SIRPG: variants seen among roughly 807,000 people sequenced by gnomAD.
The protein encoded by SIRPG is signal-regulatory protein gamma.
Under a neutral mutation model 35.7 loss-of-function variants are expected in SIRPG, and 38 were observed. That is an observed-to-expected ratio of 1.06 (90% CI 0.82 to 1.40). The LOEUF (loss-of-function observed/expected upper bound fraction) is 1.40. Ranked by LOEUF, SIRPG falls within the 40% of genes most tolerant of loss-of-function variation. The pLI, the probability that SIRPG is intolerant of heterozygous loss-of-function variation, is 0.00. For missense variants in SIRPG, 519 were observed against 483.0 expected (o/e 1.07, Z -0.70); for synonymous variants, 215 against 190.4 (o/e 1.13, Z -1.06).
the SIRPG span, among the ~76,000 whole-genome samples, chr20:1,672,404 G>A: frequency 7.7e-4 from 118 of 152,296 alleles, 2 homozygotes; most frequent in Admixed American, 2.1e-3. Flanking sequence ...ACGAAGAGCC[G>A]AGAGTTTGTA....
At chr20:1,659,787 A>G (rs1284922403), upstream of SIRPG, among the ~76,000 whole-genome samples, 3 of 152,234 alleles carry the variant, frequency 2.0e-5, no homozygotes, top group Non-Finnish European at 2.9e-5. Flanking sequence ...AAGAAAGCAG[A>G]GAAGAAGCTA....
intron 1 of SIRPG, among the ~76,000 whole-genome samples, chr20:1,656,948 G>T (rs902590367): frequency 1.2e-4 from 19 of 152,144 alleles, no homozygotes; most frequent in Non-Finnish European, 4.4e-5. Flanking sequence ...ACTCCCGCAA[G>T]CTTAGTGATC....
upstream of SIRPG, among the ~76,000 whole-genome samples, chr20:1,662,374 A>C (rs567388142): frequency 9.8e-5 from 15 of 152,328 alleles, no homozygotes; most frequent in East Asian, 2.9e-3. Context: ...TTAGCTCGTC[A>C]GAGTGAATAT....
the SIRPG span, among the ~76,000 whole-genome samples, chr20:1,669,004 C>CA: frequency 6.6e-6 from 1 of 152,174 alleles, no homozygotes; most frequent in Non-Finnish European, 1.5e-5. Flanking sequence ...AGGAGGAATC[C>CA]AAGCCTTTGA....
At chr20:1,636,702 C>T (rs2091806144) in intron 2 of SIRPG, among the ~76,000 whole-genome samples, 197 bp from the exon 3 acceptor site, 1 of 152,180 alleles carries the variant, frequency 6.6e-6, no homozygotes, top group Non-Finnish European at 1.5e-5. Flanking sequence ...CCAGGTCAGA[C>T]AGTGTAGGGA....
At chr20:1,646,875 G>GAC (rs2091901740) in intron 2 of SIRPG, 1 of 152,178 alleles carries the variant, frequency 6.6e-6, no homozygotes, top group African/African-American at 2.4e-5. Context: ...TTGAACTCCT[G>GAC]ACCTCAGGTG....
At chr20:1,632,437 C>A (rs1392688514) in intron 4 of SIRPG, among the ~76,000 whole-genome samples, 1 of 152,122 alleles carries the variant, frequency 6.6e-6, no homozygotes, top group African/African-American at 2.4e-5. Context: ...ACCTGCCAGC[C>A]TAGACAACTT....
chr20:1,656,439 C>T (rs1053804549), intron 1 of SIRPG, among the ~76,000 whole-genome samples: 1 of 152,144 alleles, frequency 6.6e-6, no homozygotes. Flanking sequence ...AGAGCAATTG[C>T]TGAACTATTA....
At chr20:1,636,594 A>G (rs1267405671) in intron 2 of SIRPG, 89 bp from the exon 3 acceptor site, 2 of 1,325,234 alleles carry the variant, frequency 1.5e-6, no homozygotes, top group Non-Finnish European at 2.1e-6. Flanking sequence ...ACCTTCAGAT[A>G]CATTAATTTT....
the SIRPG span, among the ~76,000 whole-genome samples, chr20:1,665,112 TG>T: frequency 3.9e-5 from 6 of 152,192 alleles, no homozygotes; most frequent in South Asian, 2.1e-4. Flanking sequence ...TTCCTGGGGC[TG>T]GGAGCCTCTT....
At chr20:1,635,969 G>A (rs1403736659) in intron 3 of SIRPG, among the ~76,000 whole-genome samples, 3 of 152,210 alleles carry the variant, frequency 2.0e-5, no homozygotes, top group African/African-American at 7.2e-5. Flanking sequence ...TGAGATAAAT[G>A]AAACTCTCTA....
upstream of SIRPG, among the ~76,000 whole-genome samples, chr20:1,659,202 G>T (rs1263852390): frequency 6.6e-6 from 1 of 152,212 alleles, no homozygotes; most frequent in Admixed American, 6.5e-5. Context: ...CTTGTTAAAA[G>T]AAATGATTTC....
intron 3 of SIRPG, among the ~76,000 whole-genome samples, 194 bp from the exon 4 acceptor site, chr20:1,635,793 G>T (rs1271747628): frequency 2.0e-5 from 3 of 152,204 alleles, no homozygotes; most frequent in Non-Finnish European, 4.4e-5. Context: ...TGCACAGTAG[G>T]TGCTCAAGGA....
chr20:1,632,734 C>T (rs1600191634), intron 4 of SIRPG, among the ~76,000 whole-genome samples: 2 of 152,014 alleles, frequency 1.3e-5, no homozygotes, highest in South Asian at 4.1e-4. Context: ...CAGCCAGGCA[C>T]CTGGGACCCA....
chr20:1,655,291 A>T (rs1185832374), intron 1 of SIRPG, among the ~76,000 whole-genome samples: 1 of 152,240 alleles, frequency 6.6e-6, no homozygotes, highest in Non-Finnish European at 1.5e-5. Flanking sequence ...GTCTATCAGC[A>T]GATAAATGGA....
intron 4 of SIRPG, chr20:1,633,590 C>T (rs2091768061): frequency 6.6e-6 from 1 of 152,190 alleles, no homozygotes; most frequent in Non-Finnish European, 1.5e-5. Flanking sequence ...GATCACACGC[C>T]TTCCATACAT....
chr20:1,671,103 G>C, the SIRPG span: 135 of 427,968 alleles, frequency 3.2e-4, 1 homozygote, highest in Non-Finnish European at 5.1e-4. Flanking sequence ...TGGTGTTTCA[G>C]GGGGAGAAGC....
the SIRPG span, among the ~76,000 whole-genome samples, chr20:1,671,640 G>C: frequency 6.6e-6 from 1 of 152,192 alleles, no homozygotes; most frequent in Non-Finnish European, 1.5e-5. Flanking sequence ...AGAGCTGAGA[G>C]CCTTGAACAG....
upstream of SIRPG, among the ~76,000 whole-genome samples, chr20:1,661,147 G>T (rs774567166): frequency 2.0e-5 from 3 of 152,164 alleles, no homozygotes; most frequent in Non-Finnish European, 2.9e-5. Context: ...TTTGGTAATA[G>T]CAACAATTTT....
Sources: allele counts gnomAD v4.1 joint callset (sites outside exome capture counted in the v4.1 genomes callset), GRCh38; gene constraint gnomAD v4.1.1; transcripts MANE v1.5; gene names NCBI Gene and HGNC (gene_info 2026-07-23, HGNC 2026-07-21).